PCMTD1: variants seen among roughly 807,000 people sequenced by gnomAD.
The protein encoded by PCMTD1 is protein-L-isoaspartate O-methyltransferase domain-containing protein 1.
In PCMTD1, 12 loss-of-function variants were observed where a neutral mutation model predicts 37.6. The ratio of observed to expected loss-of-function variants is 0.32; its 90% CI spans 0.20 to 0.52. PCMTD1 has a LOEUF of 0.52. PCMTD1 is among the 20% of genes least tolerant of loss of function. The pLI is 0.97. For synonymous variants in PCMTD1, 117 were observed against 135.8 expected (o/e 0.86, Z 0.96); for missense variants, 235 against 421.3 (o/e 0.56, Z 3.87).
At position 51,850,201 on chromosome 8, in the gene PCMTD1, TATA is replaced by T. The variant is rs567473815; in HGVS notation, c.308-4441_308-4439del. On this transcript the variant is annotated intron_variant, in intron 2 of 5. Coordinates refer to ENST00000522514, the MANE Select transcript of PCMTD1 (RefSeq NM_052937.4). ...GTCACTGTAAGACCGGTTCCCACTGTATAATAGTAGTCCCTGGGAAAAAGCATT... is the reference window on the plus strand; with the variant it reads ...GTCACTGTAAGACCGGTTCCCACTGTATAGTAGTCCCTGGGAAAAAGCATT... 415 of 630,400 alleles carry T rather than the reference TATA, an allele frequency of 6.6e-4. 1 individual carries two copies. The highest frequency in any genetic ancestry group is 1.1e-3 in the South Asian group (61 of 55,052). The allele number at this position is 630,400 out of a possible 1,614,324, so 39.1% of individuals were successfully genotyped here. A position where few individuals can be genotyped will look rare whatever the true frequency, so the allele number is the denominator to read the frequency against.
chr8:51,858,241 C>T lies in PCMTD1; in HGVS notation c.307+2604G>A, dbSNP rs72639737. 2.7e-3 allele frequency among the ~76,000 whole-genome samples: 411 copies of T among 152,276 alleles called. 1 individual carries two copies. The highest frequency in any genetic ancestry group is 5.0e-3 in the Non-Finnish European group (341 of 68,026). ...TAGCTGTGTTACCAAATCACAGATA[C>T]CCCGCTCTCCCTGCTTTGGCCGGGA... is the stretch of plus-strand genomic sequence containing the variant. On this transcript the variant is annotated intron_variant, in intron 2 of 5. Coordinates refer to ENST00000522514, the MANE Select transcript of PCMTD1 (RefSeq NM_052937.4).
At chr8:51,856,522 G>A (rs1324870472) in intron 2 of PCMTD1, among the ~76,000 whole-genome samples, 5 of 152,182 alleles carry the variant, frequency 3.3e-5, no homozygotes, top group Non-Finnish European at 7.4e-5. Flanking sequence ...TAACAGAAAT[G>A]AAAATGTATA....
intron 1 of PCMTD1, among the ~76,000 whole-genome samples, 191 bp from the exon 2 acceptor site, chr8:51,861,437 T>C (rs942994069): frequency 3.3e-5 from 5 of 152,226 alleles, no homozygotes; most frequent in Non-Finnish European, 7.3e-5. Context: ...AGGTAACTTA[T>C]ATGATCTCAT....
chr8:51,898,272 T>C (rs1174034204), intron 1 of PCMTD1, among the ~76,000 whole-genome samples: 1 of 152,060 alleles, frequency 6.6e-6, no homozygotes, highest in Non-Finnish European at 1.5e-5. Flanking sequence ...GCAAAATTAC[T>C]CCCTCGGGTT....
chr8:51,887,745 C>CTT (rs11438175), intron 1 of PCMTD1, among the ~76,000 whole-genome samples: 11,079 of 136,212 alleles, frequency 0.081, 640 homozygotes, highest in Non-Finnish European at 0.11. Flanking sequence ...TTCATAATTT[C>CTT]TTTTTTTTTT....
intron 1 of PCMTD1, among the ~76,000 whole-genome samples, chr8:51,896,924 T>C (rs2039009722): frequency 6.6e-6 from 1 of 152,072 alleles, no homozygotes; most frequent in African/African-American, 2.4e-5. Context: ...GCAGTTCTTT[T>C]ACTCAAAGCC....
At chr8:51,860,707 C>T (rs80012207) in intron 2 of PCMTD1, 138 bp downstream of exon 2, 2 of 721,662 alleles carry the variant, frequency 2.8e-6, no homozygotes, top group African/African-American at 3.6e-5. Flanking sequence ...TGTGTTTTCA[C>T]ATCTAAGTAA....
intron 1 of PCMTD1, among the ~76,000 whole-genome samples, chr8:51,892,353 C>T (rs2038948296): frequency 6.6e-6 from 1 of 152,156 alleles, no homozygotes; most frequent in African/African-American, 2.4e-5. Context: ...CAGAGTGGAC[C>T]ATTGGTCATG....
chr8:51,847,940 G>C (rs900078725), intron 2 of PCMTD1, among the ~76,000 whole-genome samples: 1 of 151,968 alleles, frequency 6.6e-6, no homozygotes, highest in Non-Finnish European at 1.5e-5. Flanking sequence ...AAGTAGCCGG[G>C]CTTAGTGGTG....
chr8:51,895,862 T>C (rs953316555), intron 1 of PCMTD1: 2 of 151,962 alleles, frequency 1.3e-5, no homozygotes, highest in African/African-American at 4.8e-5. Flanking sequence ...TCAAAGCTTT[T>C]CCTGTATTTT....
intron 1 of PCMTD1, among the ~76,000 whole-genome samples, chr8:51,876,079 A>G (rs1418436761): frequency 6.6e-6 from 1 of 152,070 alleles, no homozygotes; most frequent in African/African-American, 2.4e-5. Flanking sequence ...CACATGCTCA[A>G]TAGGTGTCGC....
chr8:51,826,957 C>A (rs2037929743), intron 5 of PCMTD1: 1 of 910,648 alleles, frequency 1.1e-6, no homozygotes, highest in South Asian at 5.1e-5. Context: ...TTAATATGAG[C>A]AACTTGATTA....
At chr8:51,836,727 T>C (rs2038072140) in intron 3 of PCMTD1, among the ~76,000 whole-genome samples, 1 of 152,160 alleles carries the variant, frequency 6.6e-6, no homozygotes, top group South Asian at 2.1e-4. Context: ...CTTATGGTAC[T>C]TCTTCTAATT....
chr8:51,855,699 C>A (rs1206137546), intron 2 of PCMTD1, among the ~76,000 whole-genome samples: 2 of 151,834 alleles, frequency 1.3e-5, no homozygotes, highest in Non-Finnish European at 2.9e-5. Context: ...GAGTCTCGCC[C>A]TGTCGCCCAG....
At chr8:51,852,300 C>T (rs918565088) in intron 2 of PCMTD1, among the ~76,000 whole-genome samples, 4 of 152,056 alleles carry the variant, frequency 2.6e-5, no homozygotes, top group African/African-American at 4.8e-5. Context: ...AGGTTCACAA[C>T]GAAGACTGAA....
intron 3 of PCMTD1, chr8:51,839,423 A>C (rs1443099951): frequency 1.0e-6 from 1 of 984,082 alleles, no homozygotes; most frequent in Non-Finnish European, 1.2e-6. Flanking sequence ...TGCCCAAAAT[A>C]ACACCAGGAT....
chr8:51,827,263 G>A lies in PCMTD1; in HGVS notation c.706+4181C>T, dbSNP rs1044978109. ...TTTTTATAAGTTACTGTTGGTTACT[G>A]ATGACTTTTCTCCTTATTGTAGAAT... On this transcript the variant is annotated intron_variant, in intron 5 of 5. Transcript: ENST00000522514. 3 of 1,196,310 alleles carry A rather than the reference G, an allele frequency of 2.5e-6. No homozygotes were observed. The African/African-American group carries it at 4.8e-5, about 19-fold the overall frequency. 74.1% of individuals were successfully genotyped at this position (1,196,310 alleles called of 1,614,324 possible).
chr8:51,895,648 C>A (rs1393649289), intron 1 of PCMTD1, among the ~76,000 whole-genome samples: 1 of 150,392 alleles, frequency 6.6e-6, no homozygotes, highest in Non-Finnish European at 1.5e-5. Flanking sequence ...GTTTGATTCA[C>A]AATCCTTCCC....
chr8:51,833,812 T>C (rs979465327), intron 3 of PCMTD1, 123 bp from the exon 4 acceptor site: 84 of 604,654 alleles, frequency 1.4e-4, no homozygotes, highest in Non-Finnish European at 1.9e-4. Flanking sequence ...AAAATGATTA[T>C]AAACTTTATT....
Sources: allele counts gnomAD v4.1 joint callset (sites outside exome capture counted in the v4.1 genomes callset), GRCh38; gene constraint gnomAD v4.1.1; transcripts MANE v1.5; gene names NCBI Gene and HGNC (gene_info 2026-07-23, HGNC 2026-07-21).